Variants in RBFOX3 observed in about 807,000 individuals in gnomAD.
RBFOX3 encodes RNA binding protein fox-1 homolog 3.
In RBFOX3, 17 loss-of-function variants were observed where a neutral mutation model predicts 48.7. The ratio of observed to expected loss-of-function variants is 0.35; its 90% confidence interval spans 0.24 to 0.52. The LOEUF (loss-of-function observed/expected upper bound fraction) is 0.52. RBFOX3 is among the 20% of genes least tolerant of loss of function. RBFOX3 has a pLI of 0.94. For missense variants in RBFOX3, 382 were observed against 497.5 expected (o/e 0.77, Z 2.21); for synonymous variants, 212 against 209.5 (o/e 1.01, Z -0.10).
At chr17:79,145,580 C>T (rs1161185413) in intron 4 of RBFOX3, among the ~76,000 whole-genome samples, 1 of 152,268 alleles carries the variant, frequency 6.6e-6, no homozygotes, top group East Asian at 1.9e-4. Context: ...CGCCCCACCG[C>T]CCTGGCCTTC....
chr17:79,612,285 T>G (rs2093975104), upstream of RBFOX3, among the ~76,000 whole-genome samples: 1 of 152,172 alleles, frequency 6.6e-6, no homozygotes, highest in Non-Finnish European at 1.5e-5. Context: ...CCATGTCACT[T>G]TTGCTCCTGA....
At position 79,283,860 on chromosome 17, in the gene RBFOX3, T is replaced by C. The variant is rs117722228; in HGVS notation, c.-74+23864A>G. On this transcript the variant is annotated intron_variant, in intron 3 of 14. Transcript: ENST00000693108. ...AACTAATTTCCCTTTGTTTGAGACA[T>C]CGTATCATTTGCCTGTTTCAGTACT... Among the ~76,000 whole-genome samples the C allele has an allele frequency of 2.7e-3, 412 of 152,140 alleles. 5 individuals are homozygous for C. The highest frequency in any genetic ancestry group is 0.011 in the East Asian group (57 of 5,116).
chr17:79,340,038 C>T (rs1213639404), intron 2 of RBFOX3, among the ~76,000 whole-genome samples: 1 of 152,196 alleles, frequency 6.6e-6, no homozygotes, highest in Non-Finnish European at 1.5e-5. Context: ...GCGGCTCACA[C>T]CTGTAATCCC....
At chr17:79,116,582 G>A (rs993744490) in intron 4 of RBFOX3, among the ~76,000 whole-genome samples, 20 of 152,264 alleles carry the variant, frequency 1.3e-4, no homozygotes, top group Admixed American at 7.2e-4. Flanking sequence ...TGCCCAGCCC[G>A]CACCTGGATC....
intron 2 of RBFOX3, among the ~76,000 whole-genome samples, chr17:79,439,427 C>T (rs576821695): frequency 1.3e-5 from 2 of 152,242 alleles, no homozygotes; most frequent in African/African-American, 2.4e-5. Context: ...CCAGATGTCC[C>T]GTAACCTCCC....
chr17:79,657,146 G>A, the RBFOX3 span, among the ~76,000 whole-genome samples: 1 of 152,118 alleles, frequency 6.6e-6, no homozygotes, highest in African/African-American at 2.4e-5. Context: ...GGAGAAGAAT[G>A]AGGAGGAAGG....
chr17:79,211,724 C>G (rs1188208450), intron 4 of RBFOX3, among the ~76,000 whole-genome samples: 1 of 152,182 alleles, frequency 6.6e-6, no homozygotes, highest in African/African-American at 2.4e-5. Flanking sequence ...CCAGCCCTGA[C>G]TCCTCCAATC....
chr17:79,536,953 C>T lies in RBFOX3; in HGVS notation c.-319-54355G>A, dbSNP rs540436065. ...ACAAAAAATTAGCTGGGCATGGTGGCGAGCACCTGTAATCCCAGCTACTTG... is the reference window on the plus strand; with the variant it reads ...ACAAAAAATTAGCTGGGCATGGTGGTGAGCACCTGTAATCCCAGCTACTTG... On this transcript the variant is annotated intron_variant, in intron 1 of 14. Coordinates refer to ENST00000693108, the MANE Select transcript of RBFOX3 (RefSeq NM_001350451.2). 3.9e-5 allele frequency among the ~76,000 whole-genome samples: 6 copies of T among 152,078 alleles called. No individual in the cohort carries two copies. The East Asian group carries it at 7.7e-4, about 20-fold the overall frequency.
chr17:79,605,176 C>CG (rs1366838015), intron 1 of RBFOX3, among the ~76,000 whole-genome samples: 6,996 of 152,080 alleles, frequency 0.046, 257 homozygotes, highest in East Asian at 0.23. Flanking sequence ...TCTGGAGGTC[C>CG]GGGTTACCTT....
chr17:79,416,579 G>A (rs533988757), intron 2 of RBFOX3, among the ~76,000 whole-genome samples: 17 of 152,322 alleles, frequency 1.1e-4, no homozygotes, highest in Admixed American at 2.0e-4. Context: ...GCTCTCCCAC[G>A]GGGGCCAGCA....
intron 1 of RBFOX3, among the ~76,000 whole-genome samples, chr17:79,537,313 T>C (rs2150137314): frequency 6.6e-6 from 1 of 152,292 alleles, no homozygotes; most frequent in Non-Finnish European, 1.5e-5. Flanking sequence ...GCCTCCATCA[T>C]CATGTGGCCC....
intron 4 of RBFOX3, among the ~76,000 whole-genome samples, chr17:79,177,522 TACCCC>T (rs2050852712): frequency 6.6e-6 from 1 of 152,100 alleles, no homozygotes. Context: ...GCCGTCAGCT[TACCCC>T]CCTCTGCGAG....
chr17:79,441,393 G>A (rs2070880635), intron 2 of RBFOX3, among the ~76,000 whole-genome samples: 1 of 152,198 alleles, frequency 6.6e-6, no homozygotes, highest in Non-Finnish European at 1.5e-5. Context: ...AGATAGAGAT[G>A]AGGCCATCCT....
chr17:79,360,758 C>T (rs966867814), intron 2 of RBFOX3, among the ~76,000 whole-genome samples: 21 of 151,734 alleles, frequency 1.4e-4, no homozygotes, highest in African/African-American at 1.5e-4. Context: ...CCACTCACAA[C>T]TCTGCCATGG....
At position 79,397,587 on chromosome 17, in the gene RBFOX3, C is replaced by T. The variant is rs536550866; in HGVS notation, c.-175+84867G>A. On this transcript the variant is annotated intron_variant, in intron 2 of 14. Transcript: ENST00000693108. Reference sequence around the variant, plus strand: ...TACCTCATTTCCCATCAAAATCAACCTAGGGCAGATTTAAGCTTCGGGCCA... The same window carrying T: ...TACCTCATTTCCCATCAAAATCAACTTAGGGCAGATTTAAGCTTCGGGCCA... Among the ~76,000 whole-genome samples the T allele has an allele frequency of 8.6e-5, 13 of 152,000 alleles. No individual in the cohort carries two copies. The East Asian group carries it at 1.6e-3, about 18-fold the overall frequency.
rs144564397 is a variant in RBFOX3 at position 79,160,137 on chromosome 17, G to A, written c.-33-44389C>T. Among the ~76,000 whole-genome samples the A allele has an allele frequency of 5.3e-4, 80 of 152,378 alleles. 1 individual carries two copies. Among genetic ancestry groups the A allele is most frequent in the African/African-American group, 1.9e-3 (79 of 41,594 alleles). On this transcript the variant is annotated intron_variant, in intron 4 of 14. Transcript: ENST00000693108. ...CCCGGGGGATTCTCCTGAGATCTGT[G>A]AGTAGATGAAGCTGGGGATTAGCAG...
the RBFOX3 span, among the ~76,000 whole-genome samples, chr17:79,618,723 A>G: frequency 6.6e-6 from 1 of 152,166 alleles, no homozygotes; most frequent in Non-Finnish European, 1.5e-5. Flanking sequence ...GGAAAAATCA[A>G]TCTGATTTCT....
intron 2 of RBFOX3, among the ~76,000 whole-genome samples, chr17:79,464,260 A>G (rs1555751990): frequency 6.6e-6 from 1 of 152,244 alleles, no homozygotes; most frequent in East Asian, 1.9e-4. Flanking sequence ...CCTCTCCTTC[A>G]AGCTTCTTCC....
intron 3 of RBFOX3, among the ~76,000 whole-genome samples, chr17:79,280,169 A>G (rs2069973743): frequency 8.2e-6 from 1 of 121,588 alleles, no homozygotes; most frequent in South Asian, 3.0e-4. Flanking sequence ...ACACGCACAC[A>G]CCACTCACAC....
Sources: allele counts gnomAD v4.1 joint callset (sites outside exome capture counted in the v4.1 genomes callset), GRCh38; gene constraint gnomAD v4.1.1; transcripts MANE v1.5; gene names NCBI Gene and HGNC (gene_info 2026-07-23, HGNC 2026-07-21).